Variants in NUP37 observed in about 807,000 individuals in gnomAD.
NUP37 encodes nucleoporin 37, also known as nucleoporin Nup37.
NUP37 carries 33 observed loss-of-function variants against 45.4 expected under a neutral mutation model. The observed-to-expected ratio is 0.73, with a 90% CI of 0.55 to 0.97. The LOEUF is 0.97. NUP37 is among the 50% of genes least tolerant of loss of function. The probability of loss-of-function intolerance (pLI) is 0.00; values close to 1 mark genes in which losing one functional copy is unlikely to be tolerated. For missense variants in NUP37, 365 were observed against 389.7 expected, an observed-to-expected ratio of 0.94 and a Z score of 0.53; for synonymous variants, 127 against 130.7, an observed-to-expected ratio of 0.97 and a Z score of 0.19.
intron 5 of NUP37, among the ~76,000 whole-genome samples, chr12:102,095,021 T>C (rs912722058): frequency 2.0e-5 from 3 of 152,058 alleles, no homozygotes; most frequent in Non-Finnish European, 1.5e-5. Flanking sequence ...AGGTCTTGTA[T>C]TTCTTTTGTA....
In NUP37 at chr12:102,113,321, A is replaced by G. The variant is rs575985560; in HGVS notation, c.157-1089T>C. On this transcript the variant is annotated intron_variant, in intron 2 of 9. Transcript: ENST00000552283. ...AGGGGAAAGCAGGAAAAAACAGACA[A>G]ACAAAAAGAAAATCCTGCCATGCAA... Among the ~76,000 whole-genome samples, 11 of 152,318 alleles carry G rather than the reference A, an allele frequency of 7.2e-5. 1 individual carries two copies. Among genetic ancestry groups the G allele is most frequent in the African/African-American group, 9.6e-5 (4 of 41,572 alleles).
chr12:102,111,870 A>G (rs1880326274), intron 3 of NUP37, among the ~76,000 whole-genome samples: 1 of 152,214 alleles, frequency 6.6e-6, no homozygotes, highest in Non-Finnish European at 1.5e-5. Flanking sequence ...TCTCACGTAA[A>G]AGGTTTTGTA....
At chr12:102,118,241 CT>C in intron 2 of NUP37, 121 bp downstream of exon 2, 1 of 967,022 alleles carries the variant, frequency 1.0e-6, no homozygotes. Context: ...CTCTATGGAT[CT>C]TATCTTTTTT....
chr12:102,081,699 C>T (rs1021532402), intron 6 of NUP37, among the ~76,000 whole-genome samples: 1 of 151,982 alleles, frequency 6.6e-6, no homozygotes, highest in Non-Finnish European at 1.5e-5. Context: ...GGCTGTTAAA[C>T]CTATTTCATT....
intron 2 of NUP37, 64 bp from the exon 3 acceptor site, chr12:102,112,296 C>A: frequency 3.0e-6 from 4 of 1,316,028 alleles, no homozygotes; most frequent in South Asian, 1.6e-5. Context: ...TTCTGTATTT[C>A]ATTATAATGA....
chr12:102,075,658 G>A (rs1336937466), intron 8 of NUP37, among the ~76,000 whole-genome samples: 1 of 152,098 alleles, frequency 6.6e-6, no homozygotes, highest in Non-Finnish European at 1.5e-5. Flanking sequence ...GTTACACAAG[G>A]TTGATACAAT....
rs1447673309 is a variant in NUP37 at position 102,112,102 on chromosome 12, A to C, written c.281+6T>G. The C allele has an allele frequency of 1.9e-6, 3 of 1,613,168 alleles. No individual in the cohort carries two copies. The highest frequency in any genetic ancestry group is 1.3e-5 in the African/African-American group (1 of 74,916). ...TAAGGAATGCATTTGGTACTGTTAA[A>C]CTTACTTGATTACTGGAGGCAATGA... On this transcript the variant is annotated splice_donor_region_variant and intron_variant, in intron 3 of 9. Coordinates refer to ENST00000552283, the MANE Select transcript of NUP37 (RefSeq NM_024057.4).
chr12:102,103,848 T>C (rs1880045128), intron 3 of NUP37, among the ~76,000 whole-genome samples: 2 of 152,162 alleles, frequency 1.3e-5, no homozygotes, highest in African/African-American at 2.4e-5. Flanking sequence ...AAATTAGGTA[T>C]AGACAAAATG....
At chr12:102,101,680 TA>T (rs1879975674) in intron 3 of NUP37, among the ~76,000 whole-genome samples, 1 of 152,180 alleles carries the variant, frequency 6.6e-6, no homozygotes, top group Non-Finnish European at 1.5e-5. Flanking sequence ...TTTCAGTAGT[TA>T]ATCAATGGAT....
At position 102,074,231 on chromosome 12, in the gene NUP37, G is replaced by C. The variant is rs1448575613; in HGVS notation, c.*123C>G. The C allele has an allele frequency of 2.0e-6, 1 of 509,964 alleles. No individual in the cohort carries two copies. Among genetic ancestry groups the C allele is most frequent in the Non-Finnish European group, 3.4e-6 (1 of 293,600 alleles). The allele number at this position is 509,964 out of a possible 1,614,324, so 31.6% of individuals were successfully genotyped here. On this transcript the variant is annotated 3_prime_UTR_variant, in exon 10 of 10. Transcript: ENST00000552283. ...AACATTTTATTTAATAAAAGCAACTGAGACATTTTCTAAAGTATACGGTAT... is the reference window on the plus strand; with the variant it reads ...AACATTTTATTTAATAAAAGCAACTCAGACATTTTCTAAAGTATACGGTAT...
intron 4 of NUP37, among the ~76,000 whole-genome samples, chr12:102,099,523 A>G (rs1463100645): frequency 6.6e-6 from 1 of 152,164 alleles, no homozygotes; most frequent in Admixed American, 6.5e-5. Context: ...TATTATATAA[A>G]GCCTAAATAA....
At chr12:102,099,631 C>A (rs995280413) in intron 4 of NUP37, among the ~76,000 whole-genome samples, 3 of 152,182 alleles carry the variant, frequency 2.0e-5, no homozygotes, top group Non-Finnish European at 4.4e-5. Context: ...ACTTAACAAA[C>A]ACACACAGGA....
intron 1 of NUP37, chr12:102,119,550 T>G (rs1295383849): frequency 6.6e-6 from 1 of 151,996 alleles, no homozygotes; most frequent in Non-Finnish European, 1.5e-5. Context: ...GACACAAGGG[T>G]TGTCCTGAAA....
chr12:102,074,522 T>C, intron 9 of NUP37, 55 bp from the exon 10 acceptor site: 1 of 1,023,594 alleles, frequency 9.8e-7, no homozygotes, highest in Non-Finnish European at 1.5e-6. Flanking sequence ...AATTAATAAA[T>C]AAAAATGACT....
intron 2 of NUP37, among the ~76,000 whole-genome samples, chr12:102,113,960 A>G (rs529665756): frequency 6.6e-6 from 1 of 152,358 alleles, no homozygotes; most frequent in South Asian, 2.1e-4. Context: ...CCCTTTGAAA[A>G]TAACTTCAAA....
chr12:102,074,202 C>T lies in NUP37; in HGVS notation c.*152G>A. On this transcript the variant is annotated 3_prime_UTR_variant, in exon 10 of 10. Coordinates refer to ENST00000552283, the MANE Select transcript of NUP37 (RefSeq NM_024057.4). ...AGAGTAGAAAAATAATTTTTCAAAC[C>T]ATCAACATTTTATTTAATAAAAGCA... 1 of 458,216 alleles carries T rather than the reference C, an allele frequency of 2.2e-6. No homozygotes were observed. Among genetic ancestry groups the T allele is most frequent in the Non-Finnish European group, 3.8e-6 (1 of 260,800 alleles). 28.4% of individuals were successfully genotyped at this position (458,216 alleles called of 1,614,324 possible). A position where few individuals can be genotyped will look rare whatever the true frequency, so the allele number is the denominator to read the frequency against.
At chr12:102,087,427 G>T (rs908699713) in intron 5 of NUP37, among the ~76,000 whole-genome samples, 11 of 152,138 alleles carry the variant, frequency 7.2e-5, no homozygotes, top group South Asian at 2.1e-4. Flanking sequence ...TTATCTTAAT[G>T]ATTAAACAAT....
rs187182685 is a variant in NUP37, at chr12:102,119,877, G to C, written c.-66+173C>G. Among the ~76,000 whole-genome samples the C allele has an allele frequency of 2.2e-3, 329 of 152,328 alleles. 7 individuals carry two copies. Among genetic ancestry groups the C allele is most frequent in the Admixed American group, 0.02 (303 of 15,300 alleles). Reference sequence around the variant, plus strand: ...GAGAAGAAGGGAGGGAACAAGATAAGTCTCTGCAATGAGCGCCGACACCTC... The same window carrying C: ...GAGAAGAAGGGAGGGAACAAGATAACTCTCTGCAATGAGCGCCGACACCTC... On this transcript the variant is annotated intron_variant, in intron 1 of 9. Transcript: ENST00000552283.
chr12:102,112,327 T>C (rs1330692769), intron 2 of NUP37, 95 bp from the exon 3 acceptor site: 1 of 1,044,254 alleles, frequency 9.6e-7, no homozygotes, highest in African/African-American at 1.6e-5. Context: ...AGGTTATGCT[T>C]ATGCTTTTGA....
Sources: allele counts gnomAD v4.1 joint callset (sites outside exome capture counted in the v4.1 genomes callset), GRCh38; gene constraint gnomAD v4.1.1; transcripts MANE v1.5; gene names NCBI Gene and HGNC (gene_info 2026-07-23, HGNC 2026-07-21).